ARHGAP32: variants seen among roughly 807,000 people sequenced by gnomAD.
ARHGAP32 encodes the protein Rho GTPase activating protein 32, also known as rho GTPase-activating protein 32.
Under a neutral mutation model 186.5 loss-of-function variants are expected in ARHGAP32, and 51 were observed. The observed-to-expected ratio is 0.27, with a 90% CI of 0.22 to 0.35. The LOEUF (loss-of-function observed/expected upper bound fraction) is 0.35. Ranked by LOEUF, ARHGAP32 falls within the 10% of genes least tolerant of loss-of-function variation. The probability of loss-of-function intolerance (pLI) is 1.00; values close to 1 mark genes in which losing one functional copy is unlikely to be tolerated. For synonymous variants in ARHGAP32, 950 were observed against 964.3 expected, an observed-to-expected ratio of 0.99 and a Z score of 0.27; for missense variants, 2,186 against 2,623.5, an observed-to-expected ratio of 0.83 and a Z score of 3.64.
intron 2 of ARHGAP32, among the ~76,000 whole-genome samples, chr11:129,152,177 A>G (rs975371674): frequency 2.6e-5 from 4 of 152,192 alleles, no homozygotes; most frequent in Admixed American, 2.6e-4. Flanking sequence ...AGGAAGAATC[A>G]GAAACTCTGT....
chr11:128,993,334 C>T (rs1463756465), intron 12 of ARHGAP32: 1 of 152,060 alleles, frequency 6.6e-6, no homozygotes. Flanking sequence ...GCTGTCGAAG[C>T]AAGCACATAA....
At chr11:129,085,854 C>T (rs915868254) in intron 6 of ARHGAP32, among the ~76,000 whole-genome samples, 3 of 151,674 alleles carry the variant, frequency 2.0e-5, no homozygotes, top group Admixed American at 6.6e-5. Context: ...ATTAGCCAGG[C>T]GTGGTGGCGG....
chr11:129,274,561 A>G (rs997952821), intron 1 of ARHGAP32, among the ~76,000 whole-genome samples: 5 of 152,140 alleles, frequency 3.3e-5, no homozygotes, highest in African/African-American at 1.2e-4. Flanking sequence ...CAATGACCCC[A>G]ATTCTATTTT....
intron 10 of ARHGAP32, among the ~76,000 whole-genome samples, chr11:129,055,626 A>G (rs1048998375): frequency 6.6e-6 from 1 of 152,244 alleles, no homozygotes; most frequent in African/African-American, 2.4e-5. Flanking sequence ...CAAGCCAGAG[A>G]AAGACACAGA....
chr11:128,973,299 T>A lies in ARHGAP32; in HGVS notation c.3207A>T (p.Ser1069=), dbSNP rs1188290593. 2 of 1,614,200 alleles carry A rather than the reference T, an allele frequency of 1.2e-6. No homozygotes were observed. The highest frequency in any genetic ancestry group is 2.2e-5 in the South Asian group (2 of 91,086). ...LALAESAQQA[S]TQSLKRPGTS... is the part of the protein sequence containing the mutation. ...TCCCTGGTCTCTTCAATGACTGAGT[T>A]GAGGCTTGCTGTGCGGACTCAGCTA... Residue 1069 remains serine (S), a synonymous_variant, in exon 22 of 23, where the codon TCA becomes TCT. Transcript: ENST00000682385.
At chr11:128,984,621 C>G (rs1431387066) in intron 15 of ARHGAP32, among the ~76,000 whole-genome samples, 1 of 151,940 alleles carries the variant, frequency 6.6e-6, no homozygotes, top group African/African-American at 2.4e-5. Flanking sequence ...AAGAGTTACA[C>G]AAGATATTGT....
intron 2 of ARHGAP32, among the ~76,000 whole-genome samples, chr11:129,135,767 A>AG (rs960279671): frequency 5.8e-4 from 57 of 98,678 alleles, no homozygotes; most frequent in Admixed American, 2.6e-3. Flanking sequence ...ACTCCATCTC[A>AG]AAAAAAAACA....
intron 1 of ARHGAP32, among the ~76,000 whole-genome samples, chr11:129,221,778 C>A (rs1043642910): frequency 6.6e-6 from 1 of 151,882 alleles, no homozygotes; most frequent in Non-Finnish European, 1.5e-5. Flanking sequence ...CACCCCTGCA[C>A]CCTAGTCTGG....
chr11:129,075,012 T>A (rs1240858239), intron 6 of ARHGAP32, among the ~76,000 whole-genome samples: 2 of 152,076 alleles, frequency 1.3e-5, no homozygotes, highest in African/African-American at 4.8e-5. Context: ...ACCTTAAATA[T>A]ATGTAATTTT....
chr11:128,986,214 ACAT>A (rs1945868831), intron 14 of ARHGAP32, 129 bp from the exon 15 acceptor site: 1 of 746,986 alleles, frequency 1.3e-6, no homozygotes, highest in African/African-American at 1.8e-5. Context: ...AGGAAACACA[ACAT>A]TGTATTCAGG....
intron 5 of ARHGAP32, 74 bp from the exon 6 acceptor site, chr11:129,093,781 A>G (rs911155947): frequency 4.9e-6 from 5 of 1,016,082 alleles, no homozygotes; most frequent in Non-Finnish European, 7.5e-6. Flanking sequence ...AAGCATTCAT[A>G]ATACCTGGAG....
At chr11:129,007,058 T>TA (rs1937814699) in intron 11 of ARHGAP32, among the ~76,000 whole-genome samples, 1 of 152,102 alleles carries the variant, frequency 6.6e-6, no homozygotes, top group East Asian at 1.9e-4. Context: ...GATGTTCACT[T>TA]AAGGCCCAAA....
chr11:129,123,569 A>G lies in ARHGAP32; in HGVS notation c.360-39T>C. On this transcript the variant is annotated intron_variant, in intron 4 of 22. Transcript: ENST00000682385. This position sits in a 1 kb window ranked among gnomAD's most constrained non-coding sequence, Gnocchi z 4.6. The stretch of plus-strand genomic sequence containing the variant: ...AATAAATAAGAAACGAGATAGTGAA[A>G]CAGTAAAAATTACTAAGTTTAAGGG... The G allele has an allele frequency of 6.4e-7, 1 of 1,560,034 alleles. No homozygotes were observed. The highest frequency in any genetic ancestry group is 8.8e-7 in the Non-Finnish European group (1 of 1,134,526).
intron 6 of ARHGAP32, among the ~76,000 whole-genome samples, chr11:129,082,382 T>C (rs1053598773): frequency 2.6e-5 from 4 of 151,872 alleles, no homozygotes; most frequent in Admixed American, 2.6e-4. Context: ...CACCAAAACA[T>C]CATGGTACTG....
At chr11:128,976,928 C>T (rs1210475297) in intron 19 of ARHGAP32, among the ~76,000 whole-genome samples, 2 of 152,146 alleles carry the variant, frequency 1.3e-5, no homozygotes, top group East Asian at 1.9e-4. Flanking sequence ...CTTTCTTTTA[C>T]ATTTCCTAAA....
intron 6 of ARHGAP32, among the ~76,000 whole-genome samples, chr11:129,086,656 C>T (rs1591601595): frequency 1.3e-5 from 2 of 151,974 alleles, no homozygotes; most frequent in East Asian, 1.9e-4. Context: ...CCTGTCTCTA[C>T]TAAAAATACA....
intron 1 of ARHGAP32, among the ~76,000 whole-genome samples, chr11:129,236,997 T>C (rs1944945596): frequency 6.6e-6 from 1 of 152,236 alleles, no homozygotes; most frequent in Non-Finnish European, 1.5e-5. Context: ...CTTGCATCTA[T>C]TGAGATGATC....
chr11:128,983,807 C>G (rs965370564), intron 15 of ARHGAP32, among the ~76,000 whole-genome samples: 2 of 151,992 alleles, frequency 1.3e-5, no homozygotes, highest in Non-Finnish European at 2.9e-5. Flanking sequence ...CCAAAGACAT[C>G]TATTTGGTTT....
chr11:129,028,711 G>C (rs1039261243), intron 11 of ARHGAP32, among the ~76,000 whole-genome samples: 2 of 152,178 alleles, frequency 1.3e-5, no homozygotes, highest in Admixed American at 6.5e-5. Context: ...TGAAATAACT[G>C]CTATTAAATT....
Sources: allele counts gnomAD v4.1 joint callset (sites outside exome capture counted in the v4.1 genomes callset), GRCh38; gene constraint gnomAD v4.1.1; non-coding constraint Gnocchi (gnomAD v3.1); transcripts MANE v1.5; gene names NCBI Gene and HGNC (gene_info 2026-07-23, HGNC 2026-07-21).